The following HIVEP3 variants were observed in gnomAD, a reference collection of about 807,000 sequenced individuals.
The protein encoded by HIVEP3 is HIVEP zinc finger 3, also known as transcription factor HIVEP3.
A neutral mutation model predicts 152.8 loss-of-function variants in HIVEP3; 49 were observed. The observed-to-expected ratio is 0.32, with a 90% CI of 0.26 to 0.41. The LOEUF (loss-of-function observed/expected upper bound fraction) is 0.41. HIVEP3 is among the 10% of genes least tolerant of loss of function. HIVEP3 has a pLI of 1.00. For synonymous variants in HIVEP3, 1,269 were observed against 1,289.0 expected (o/e 0.98, Z 0.33); for missense variants, 2,790 against 3,103.3 (o/e 0.90, Z 2.40).
At chr1:41,835,632 C>T (rs1643099802) in intron 1 of HIVEP3, among the ~76,000 whole-genome samples, 1 of 152,182 alleles carries the variant, frequency 6.6e-6, no homozygotes, top group African/African-American at 2.4e-5. Flanking sequence ...AACTGATGGA[C>T]AAAACCAATG....
intron 1 of HIVEP3, among the ~76,000 whole-genome samples, chr1:41,971,016 A>T (rs965274990): frequency 1.1e-4 from 17 of 152,212 alleles, no homozygotes; most frequent in Non-Finnish European, 1.9e-4. Flanking sequence ...GTAGAAAAAA[A>T]ATATAGACCT....
chr1:41,980,571 G>A (rs1645288687), intron 1 of HIVEP3, among the ~76,000 whole-genome samples: 1 of 152,172 alleles, frequency 6.6e-6, no homozygotes, highest in Non-Finnish European at 1.5e-5. Flanking sequence ...CTACAATTGG[G>A]CACAACAGAT....
At chr1:41,715,788 A>G (rs576871909) in intron 1 of HIVEP3, among the ~76,000 whole-genome samples, 9 of 152,312 alleles carry the variant, frequency 5.9e-5, no homozygotes, top group Middle Eastern at 3.4e-3. Context: ...GAAGTTTATC[A>G]AACACCAGGC....
intron 1 of HIVEP3, among the ~76,000 whole-genome samples, chr1:41,940,869 G>A (rs531199100): frequency 7.9e-5 from 12 of 151,792 alleles, no homozygotes; most frequent in South Asian, 4.2e-4. Flanking sequence ...GAGGACAGGC[G>A]GAAAGGGAAG....
intron 1 of HIVEP3, among the ~76,000 whole-genome samples, chr1:42,013,534 A>G (rs1358584577): frequency 6.6e-6 from 1 of 152,342 alleles, no homozygotes; most frequent in East Asian, 1.9e-4. Flanking sequence ...TTACATTCCT[A>G]TTATAACAGT....
chr1:42,011,209 G>C (rs1050354544), intron 1 of HIVEP3, among the ~76,000 whole-genome samples: 11 of 152,104 alleles, frequency 7.2e-5, no homozygotes, highest in African/African-American at 2.7e-4. Flanking sequence ...AAAGAATCCT[G>C]TGTACATTTC....
intron 3 of HIVEP3, among the ~76,000 whole-genome samples, chr1:41,616,377 A>C (rs564108079): frequency 6.6e-6 from 1 of 152,270 alleles, no homozygotes; most frequent in Admixed American, 6.5e-5. Flanking sequence ...TTTTGCAAAC[A>C]GCAGACTATC....
chr1:41,825,551 G>T (rs1297138251), intron 1 of HIVEP3, among the ~76,000 whole-genome samples: 1 of 151,298 alleles, frequency 6.6e-6, no homozygotes, highest in African/African-American at 2.4e-5. Context: ...GATTACAGGC[G>T]TGAGCCACTG....
intron 1 of HIVEP3, among the ~76,000 whole-genome samples, chr1:41,980,051 G>C (rs1346325365): frequency 6.6e-6 from 1 of 152,172 alleles, no homozygotes; most frequent in Admixed American, 6.5e-5. Context: ...CAATCTTTAA[G>C]AAACAATGGT....
intron 3 of HIVEP3, among the ~76,000 whole-genome samples, chr1:41,586,288 C>T (rs762988988): frequency 2.6e-5 from 4 of 152,210 alleles, no homozygotes; most frequent in Admixed American, 6.5e-5. Context: ...CAGGGCCCTC[C>T]TCCCCAGGAA....
chr1:41,556,340 C>G (rs1316766152), intron 5 of HIVEP3, among the ~76,000 whole-genome samples: 2 of 152,222 alleles, frequency 1.3e-5, no homozygotes, highest in African/African-American at 4.8e-5. Flanking sequence ...GAAGTAGTAT[C>G]TCATTGTAGT....
intron 5 of HIVEP3, among the ~76,000 whole-genome samples, chr1:41,539,990 G>C (rs1271071401): frequency 1.3e-5 from 2 of 152,238 alleles, no homozygotes; most frequent in Non-Finnish European, 2.9e-5. Context: ...GCCAGTTGGA[G>C]ACTGGCTTAG....
upstream of HIVEP3, among the ~76,000 whole-genome samples, chr1:41,919,393 T>C (rs1305215555): frequency 6.6e-6 from 1 of 152,136 alleles, no homozygotes; most frequent in Non-Finnish European, 1.5e-5. Flanking sequence ...ACCTGAGAGC[T>C]CAACACGGGC....
intron 1 of HIVEP3, among the ~76,000 whole-genome samples, chr1:41,888,342 A>C (rs542619879): frequency 6.6e-6 from 1 of 150,386 alleles, no homozygotes; most frequent in Non-Finnish European, 1.5e-5. Flanking sequence ...ATGAGCCACC[A>C]CGCCCGGCCT....
chr1:41,699,354 C>T (rs1434780106), intron 2 of HIVEP3, among the ~76,000 whole-genome samples: 1 of 152,250 alleles, frequency 6.6e-6, no homozygotes, highest in Non-Finnish European at 1.5e-5. Context: ...ATTCTACACT[C>T]CTGTGAGACG....
intron 3 of HIVEP3, among the ~76,000 whole-genome samples, chr1:41,620,559 C>T (rs1217655682): frequency 6.6e-6 from 1 of 152,192 alleles, no homozygotes; most frequent in African/African-American, 2.4e-5. Context: ...GCTTTTCTCT[C>T]TCTGCACTGC....
intron 1 of HIVEP3, among the ~76,000 whole-genome samples, chr1:41,895,098 C>T (rs1214313758): frequency 6.6e-6 from 1 of 152,008 alleles, no homozygotes; most frequent in Non-Finnish European, 1.5e-5. Flanking sequence ...AAAACTTGAT[C>T]CTTTTATGAA....
At chr1:41,914,951 C>T (rs1644848688) in intron 1 of HIVEP3, among the ~76,000 whole-genome samples, 1 of 152,122 alleles carries the variant, frequency 6.6e-6, no homozygotes, top group African/African-American at 2.4e-5. Flanking sequence ...TAGAACATAA[C>T]CACTAATAAT....
chr1:41,704,469 A>G (rs1480179639), intron 1 of HIVEP3, among the ~76,000 whole-genome samples: 4 of 152,260 alleles, frequency 2.6e-5, no homozygotes, highest in Non-Finnish European at 4.4e-5. Context: ...GCCAGCAACT[A>G]GCAGCCTGTA....
Sources: allele counts gnomAD v4.1 joint callset (sites outside exome capture counted in the v4.1 genomes callset), GRCh38; gene constraint gnomAD v4.1.1; transcripts MANE v1.5; gene names NCBI Gene and HGNC (gene_info 2026-07-23, HGNC 2026-07-21).